PLCB4: variants seen among roughly 807,000 people sequenced by gnomAD.
The protein encoded by PLCB4 is 1-phosphatidylinositol 4,5-bisphosphate phosphodiesterase beta-4.
PLCB4 carries 77 observed loss-of-function variants against 178.8 expected under a neutral mutation model. The observed-to-expected ratio is 0.43, with a 90% CI of 0.36 to 0.52. The LOEUF (loss-of-function observed/expected upper bound fraction) is 0.52. Among genes scored for constraint, PLCB4 ranks in the 20% least tolerant of loss-of-function variants. The pLI is 0.00. For missense variants in PLCB4, 1,024 were observed against 1,453.4 expected, an observed-to-expected ratio of 0.70 and a Z score of 4.80; for synonymous variants, 496 against 490.8, an observed-to-expected ratio of 1.01 and a Z score of -0.14.
At chr20:9,412,627 A>G (rs1259653628) in intron 25 of PLCB4, among the ~76,000 whole-genome samples, 2 of 152,198 alleles carry the variant, frequency 1.3e-5, no homozygotes, top group Admixed American at 1.3e-4. Flanking sequence ...AGTCTGAGCA[A>G]CAATCGTGCT....
At position 9,363,015 on chromosome 20, in the gene PLCB4, T is replaced by C. The variant is rs147529798; in HGVS notation, c.449+40T>C. The C allele has an allele frequency of 2.4e-4, 332 of 1,396,706 alleles. 1 individual carries two copies. In the African/African-American group the frequency reaches 3.8e-3, roughly 16 times the overall value. 86.5% of individuals were successfully genotyped at this position (1,396,706 alleles called of 1,614,324 possible). On this transcript the variant is annotated intron_variant, in intron 8 of 39. Transcript: ENST00000378473. ...CATTACTCGTTTTTCTTGGCAGTTA[T>C]CAAACAAATGGTCAGATGAAGAGAT...
intron 2 of PLCB4, among the ~76,000 whole-genome samples, chr20:9,153,569 A>C (rs562509184): frequency 1.3e-5 from 2 of 152,328 alleles, no homozygotes; most frequent in South Asian, 4.1e-4. Flanking sequence ...CTGTAAGTCC[A>C]ATTAAACCTT....
chr20:9,109,264 G>T (rs2091489233), intron 2 of PLCB4, among the ~76,000 whole-genome samples: 1 of 152,022 alleles, frequency 6.6e-6, no homozygotes, highest in East Asian at 1.9e-4. Flanking sequence ...CAGTTGATTT[G>T]ATTAAAACAA....
intron 6 of PLCB4, 82 bp downstream of exon 6, chr20:9,338,149 C>T: frequency 1.1e-6 from 1 of 897,734 alleles, no homozygotes; most frequent in Non-Finnish European, 1.9e-6. Context: ...ATAAAAAACT[C>T]ACTCTTTGTA....
Position 9,372,392 on chromosome 20 carries a change from T to G in PLCB4, c.675T>G (p.Leu225=). ...KICPRTDIED[L]FKKINGDKTD... ...GTCCTCGGACAGATATAGAAGATCT[T>G]TTCAAAAAAATGTAAGTTCCACTTA... Residue 225 remains leucine (L), a synonymous_variant, in exon 11 of 40, where the codon CTT becomes CTG. Transcript: ENST00000378473. The G allele has an allele frequency of 6.4e-7, 1 of 1,556,136 alleles. No individual in the cohort carries two copies. Among genetic ancestry groups the G allele is most frequent in the Non-Finnish European group, 8.8e-7 (1 of 1,135,148 alleles).
In PLCB4 at chr20:9,444,031, G is replaced by A; in HGVS notation, c.2814+1G>A. Reference sequence around the variant, plus strand: ...GATAGAAGACTTAAAGCAGATGAAGGTAAAATTGCTTGACTATTTTGCAAG... The same window carrying A: ...GATAGAAGACTTAAAGCAGATGAAGATAAAATTGCTTGACTATTTTGCAAG... On this transcript the variant is annotated splice_donor_variant, in intron 31 of 39. Coordinates refer to ENST00000378473, the MANE Select transcript of PLCB4 (RefSeq NM_001377142.1). LOFTEE classifies it high-confidence loss of function. 2 of 1,598,830 alleles carry A rather than the reference G, an allele frequency of 1.3e-6. No homozygotes were observed. The highest frequency in any genetic ancestry group is 1.7e-6 in the Non-Finnish European group (2 of 1,169,796).
rs879571738 is a variant in PLCB4 at position 9,385,856 on chromosome 20, G to A, written c.1064+1445G>A. On this transcript the variant is annotated intron_variant, in intron 14 of 39. Transcript: ENST00000378473. ...CTCCCCACTTCCTAGACGGGGTGGC[G>A]GCCGGGCAGAGGCTGTAATCTTAGC... 3.7e-4 allele frequency among the ~76,000 whole-genome samples: 57 copies of A among 152,186 alleles called. 1 individual carries two copies. Among genetic ancestry groups the A allele is most frequent in the Non-Finnish European group, 6.8e-4 (46 of 68,036 alleles).
At chr20:9,446,536 A>G (rs1003576881) in intron 32 of PLCB4, among the ~76,000 whole-genome samples, 1 of 152,188 alleles carries the variant, frequency 6.6e-6, no homozygotes, top group Non-Finnish European at 1.5e-5. Flanking sequence ...GATGAAGAAT[A>G]TAATGAATAT....
intron 2 of PLCB4, among the ~76,000 whole-genome samples, chr20:9,145,291 C>T (rs1233147444): frequency 1.3e-5 from 2 of 152,142 alleles, no homozygotes; most frequent in Non-Finnish European, 2.9e-5. Context: ...GTGAATCCTT[C>T]ACTCTCAACA....
rs545019376 is a variant in PLCB4 at position 9,310,805 on chromosome 20, G to A, written c.84+2907G>A. The stretch of plus-strand genomic sequence containing the variant: ...TTTAATAGGCACTGTTTTAAAAATA[G>A]TCAATAAATGTAGTAAGTGCAAATG... On this transcript the variant is annotated intron_variant, in intron 4 of 39. Transcript: ENST00000378473. Among the ~76,000 whole-genome samples, 6 of 152,292 alleles carry A rather than the reference G, an allele frequency of 3.9e-5. No individual in the cohort carries two copies. The South Asian group carries it at 1.2e-3, about 32-fold the overall frequency.
At chr20:9,391,272 C>A (rs1311048462) in intron 17 of PLCB4, among the ~76,000 whole-genome samples, 1 of 152,130 alleles carries the variant, frequency 6.6e-6, no homozygotes, top group East Asian at 1.9e-4. Flanking sequence ...TAATTGCATG[C>A]AATTTTTTTG....
At chr20:9,233,687 T>C (rs1202073946) in intron 3 of PLCB4, among the ~76,000 whole-genome samples, 5 of 152,068 alleles carry the variant, frequency 3.3e-5, no homozygotes, top group African/African-American at 1.2e-4. Context: ...GTAAATAAGG[T>C]TGCAAGTAAG....
rs372326743 is a variant in PLCB4 at position 9,401,580 on chromosome 20, G to A, written c.1601G>A (p.Ser534Asn). The A allele has an allele frequency of 3.1e-5, 50 of 1,609,226 alleles. No homozygotes were observed. The highest frequency in any genetic ancestry group is 4.0e-5 in the Non-Finnish European group (47 of 1,175,904). The change falls in exon 20 of 40, where the codon AGC becomes AAC. Residue 534 changes from serine (S) to asparagine (N), a missense_variant. Physicochemically the swap from Ser to Asn is conservative, Grantham distance 46. This residue lies in a region of PLCB4 where 263 missense variants were observed against 417.4 expected (regional missense o/e 0.63). Transcript: ENST00000378473. ...GGTCACAAGGAAGCTGTTGCAAATA[G>A]CGTCAAGAAGGTCAGAGTCCCCTTT... ...DLGHKEAVAN[S>N]VKKASDDLEH...
At chr20:9,284,840 T>G (rs1271446342) in intron 3 of PLCB4, among the ~76,000 whole-genome samples, 1 of 152,020 alleles carries the variant, frequency 6.6e-6, no homozygotes, top group African/African-American at 2.4e-5. Context: ...TTATTATAAT[T>G]TAGGTTCTCA....
chr20:9,321,849 G>T (rs1209567629), intron 4 of PLCB4, among the ~76,000 whole-genome samples: 3 of 151,954 alleles, frequency 2.0e-5, no homozygotes, highest in Non-Finnish European at 4.4e-5. Flanking sequence ...GGCCAGGCTG[G>T]TCTCGAACTT....
chr20:9,416,462 G>A (rs2040253842), intron 25 of PLCB4, among the ~76,000 whole-genome samples: 2 of 152,136 alleles, frequency 1.3e-5, no homozygotes, highest in African/African-American at 4.8e-5. Context: ...TCCAAATGCT[G>A]CCTGTGTCAT....
chr20:9,217,860 C>T (rs1420147879), intron 3 of PLCB4, among the ~76,000 whole-genome samples: 1 of 152,152 alleles, frequency 6.6e-6, no homozygotes, highest in African/African-American at 2.4e-5. Flanking sequence ...CAACTGTGTA[C>T]ATTATCAGCA....
intron 30 of PLCB4, among the ~76,000 whole-genome samples, 154 bp from the exon 31 acceptor site, chr20:9,443,827 T>A (rs986210467): frequency 1.3e-5 from 2 of 152,066 alleles, no homozygotes; most frequent in Non-Finnish European, 2.9e-5. Context: ...TCCAGTTAAT[T>A]GCTTTGTAAT....
At chr20:9,461,894 A>G (rs182815309) in intron 35 of PLCB4, among the ~76,000 whole-genome samples, 39 of 152,350 alleles carry the variant, frequency 2.6e-4, no homozygotes, top group Non-Finnish European at 5.4e-4. Flanking sequence ...ACAGCTCTGA[A>G]GAGAGCAGTG....
Sources: gnomAD v4.1 joint callset for allele counts (sites outside exome capture counted in the v4.1 genomes callset) on GRCh38, gnomAD v4.1.1 for gene constraint, gnomAD v4.1.1 regional missense constraint, MANE v1.5 for transcripts, NCBI Gene and HGNC (gene_info 2026-07-23, HGNC 2026-07-21) for gene names.